Variants in MBD5 observed in about 807,000 individuals in gnomAD.
MBD5 encodes methyl-CpG binding domain protein 5.
In MBD5, 13 loss-of-function variants were observed where a neutral mutation model predicts 117.3. The observed-to-expected ratio is 0.11, with a 90% confidence interval of 0.07 to 0.18. The LOEUF is 0.18. Among genes scored for constraint, MBD5 ranks in the 10% least tolerant of loss-of-function variants. The pLI, the probability that MBD5 is intolerant of heterozygous loss-of-function variation, is 1.00. For synonymous variants in MBD5, 727 were observed against 766.4 expected (o/e 0.95, Z 0.85); for missense variants, 1,879 against 2,093.8 (o/e 0.90, Z 2.00).
intron 1 of MBD5, among the ~76,000 whole-genome samples, chr2:148,048,414 T>A (rs1222738500): frequency 2.0e-5 from 3 of 152,112 alleles, no homozygotes; most frequent in Non-Finnish European, 2.9e-5. Context: ...GAATTTATAG[T>A]TTAGTGAGGA....
intron 2 of MBD5, among the ~76,000 whole-genome samples, chr2:148,225,805 A>G (rs1157959864): frequency 6.6e-6 from 1 of 152,296 alleles, no homozygotes; most frequent in South Asian, 2.1e-4. Context: ...GAAGTATGAA[A>G]TGAAAATTCT....
chr2:148,367,374 C>T (rs1394179015), intron 4 of MBD5, among the ~76,000 whole-genome samples: 1 of 152,104 alleles, frequency 6.6e-6, no homozygotes, highest in Non-Finnish European at 1.5e-5. Flanking sequence ...CATAAAAACC[C>T]TAGAAGAAAA....
intron 1 of MBD5, among the ~76,000 whole-genome samples, chr2:148,132,672 G>C (rs996687212): frequency 2.6e-5 from 4 of 152,118 alleles, no homozygotes; most frequent in Non-Finnish European, 5.9e-5. Context: ...ACTTATGCAG[G>C]AGTGAAAGTG....
chr2:148,237,775 A>C (rs867195856), intron 3 of MBD5, among the ~76,000 whole-genome samples: 1 of 152,204 alleles, frequency 6.6e-6, no homozygotes, highest in South Asian at 2.1e-4. Context: ...GCCAAGTACA[A>C]TAAAACAAAG....
rs147530761 is a variant in MBD5, at chr2:148,236,536, A to AT, written c.-680+3149dup. ...GTGAGTATAATTTTTCCAAAGGAGT[A>AT]TTTTTTTTCTGGGCAGTAGGTCTCA... On this transcript the variant is annotated intron_variant, in intron 3 of 13. Transcript: ENST00000642680. Among the ~76,000 whole-genome samples, 847 of 152,006 alleles carry AT rather than the reference A, an allele frequency of 5.6e-3. 11 individuals are homozygous for AT. Among genetic ancestry groups the AT allele is most frequent in the African/African-American group, 0.02 (819 of 41,480 alleles).
intron 4 of MBD5, among the ~76,000 whole-genome samples, chr2:148,351,298 A>G (rs1352992860): frequency 6.6e-6 from 1 of 152,066 alleles, no homozygotes; most frequent in Non-Finnish European, 1.5e-5. Flanking sequence ...GCAGGCAACC[A>G]CTAATCTACT....
At chr2:148,116,370 A>C (rs1326561030) in intron 1 of MBD5, among the ~76,000 whole-genome samples, 1 of 152,154 alleles carries the variant, frequency 6.6e-6, no homozygotes, top group Non-Finnish European at 1.5e-5. Flanking sequence ...TGAGTCCAAC[A>C]TGACGTTGAA....
At chr2:148,085,517 G>T (rs982801274) in intron 1 of MBD5, among the ~76,000 whole-genome samples, 1 of 151,910 alleles carries the variant, frequency 6.6e-6, no homozygotes, top group African/African-American at 2.4e-5. Flanking sequence ...GAGGTCAGGA[G>T]ATCGAGACCA....
chr2:148,049,421 A>G (rs1194908697), intron 1 of MBD5, among the ~76,000 whole-genome samples: 1 of 152,176 alleles, frequency 6.6e-6, no homozygotes, highest in African/African-American at 2.4e-5. Flanking sequence ...AGTTAGGACT[A>G]TGGCAATATC....
At chr2:148,429,717 A>G (rs145110608) in intron 4 of MBD5, among the ~76,000 whole-genome samples, 7,297 of 152,040 alleles carry the variant, frequency 0.048, 315 homozygotes, top group Admixed American at 0.096. Context: ...GAAGCTGGAA[A>G]CCATCATTCT....
chr2:148,029,524 A>G (rs1693981328), intron 1 of MBD5, among the ~76,000 whole-genome samples: 1 of 152,188 alleles, frequency 6.6e-6, no homozygotes, highest in Non-Finnish European at 1.5e-5. Flanking sequence ...AATTTAACAT[A>G]TCGCTTTTCT....
intron 1 of MBD5, among the ~76,000 whole-genome samples, chr2:148,150,969 CA>C (rs2105643790): frequency 6.6e-6 from 1 of 151,382 alleles, no homozygotes; most frequent in Non-Finnish European, 1.5e-5. Flanking sequence ...CCAGAACTTC[CA>C]ACACTATGTT....
At position 148,021,466 on chromosome 2, in the gene MBD5, C is replaced by T. The variant is rs1693719098; in HGVS notation, c.-1143C>T. On this transcript the variant is annotated 5_prime_UTR_variant, in exon 1 of 14. Transcript: ENST00000642680. ...CACAGACCCTTTGCTGCTGCTGTTG[C>T]TGCTGCTGCTGCTGTTGCTGCTGCT... is the stretch of plus-strand genomic sequence containing the variant. 1 of 531,968 alleles carries T rather than the reference C, an allele frequency of 1.9e-6. No individual in the cohort carries two copies. Among genetic ancestry groups the T allele is most frequent in the South Asian group, 1.6e-5 (1 of 61,514 alleles). The allele number at this position is 531,968 out of a possible 1,614,324, so 33.0% of individuals were successfully genotyped here.
intron 12 of MBD5, 113 bp from the exon 13 acceptor site, chr2:148,509,947 T>C: frequency 1.3e-6 from 1 of 776,434 alleles, no homozygotes; most frequent in East Asian, 2.7e-5. Context: ...CAAACGCGAG[T>C]ATAAATTGGC....
intron 1 of MBD5, among the ~76,000 whole-genome samples, chr2:148,042,703 A>G (rs1337191168): frequency 6.6e-6 from 1 of 152,194 alleles, no homozygotes; most frequent in African/African-American, 2.4e-5. Context: ...AATCTCTTAC[A>G]AAGAAAATTA....
At chr2:148,029,777 A>G (rs1244995741) in intron 1 of MBD5, among the ~76,000 whole-genome samples, 1 of 151,034 alleles carries the variant, frequency 6.6e-6, no homozygotes, top group African/African-American at 2.4e-5. Flanking sequence ...AGTTTTTATT[A>G]ATTTTAGACC....
chr2:148,511,570 T>C (rs879557719), intron 13 of MBD5, among the ~76,000 whole-genome samples: 3 of 152,228 alleles, frequency 2.0e-5, no homozygotes, highest in African/African-American at 4.8e-5. Flanking sequence ...AGTCTAGAAG[T>C]AAATTTTCTC....
At chr2:148,421,965 G>A (rs555008994) in intron 4 of MBD5, among the ~76,000 whole-genome samples, 1 of 152,294 alleles carries the variant, frequency 6.6e-6, no homozygotes, top group African/African-American at 2.4e-5. Flanking sequence ...CCATCACCCT[G>A]GGACACAGCA....
intron 3 of MBD5, among the ~76,000 whole-genome samples, chr2:148,292,747 AT>A (rs1376596939): frequency 6.6e-6 from 1 of 152,196 alleles, no homozygotes; most frequent in African/African-American, 2.4e-5. Context: ...AAATCAGCAT[AT>A]TGAAGATATA....
Sources: allele counts gnomAD v4.1 joint callset (sites outside exome capture counted in the v4.1 genomes callset), GRCh38; gene constraint gnomAD v4.1.1; transcripts MANE v1.5; gene names NCBI Gene and HGNC (gene_info 2026-07-23, HGNC 2026-07-21).